CUX1: variants seen among roughly 807,000 people sequenced by gnomAD.
The protein encoded by CUX1 is cut like homeobox 1, also known as protein CASP.
In CUX1, 31 loss-of-function variants were observed where a neutral mutation model predicts 158.8. The observed-to-expected ratio is 0.20, with a 90% CI of 0.15 to 0.26. CUX1 has a LOEUF of 0.26. Ranked by LOEUF, CUX1 falls within the 10% of genes least tolerant of loss-of-function variation. CUX1 has a pLI of 1.00. For synonymous variants in CUX1, 879 were observed against 862.1 expected (o/e 1.02, Z -0.34); for missense variants, 1,589 against 2,014.6 (o/e 0.79, Z 4.04).
intron 3 of CUX1, among the ~76,000 whole-genome samples, chr7:102,035,342 G>A (rs1195962785): frequency 6.6e-6 from 1 of 152,012 alleles, no homozygotes; most frequent in Non-Finnish European, 1.5e-5. Context: ...TGATAAAATA[G>A]GCTTTGTCTT....
chr7:101,824,895 C>T (rs1242280902), intron 1 of CUX1, among the ~76,000 whole-genome samples: 1 of 152,222 alleles, frequency 6.6e-6, no homozygotes, highest in Admixed American at 6.5e-5. Context: ...CCCTCTGGAA[C>T]TGGGAACATT....
intron 11 of CUX1, among the ~76,000 whole-genome samples, chr7:102,180,314 CTTTT>C (rs782269252): frequency 1.6e-5 from 2 of 127,776 alleles, no homozygotes; most frequent in African/African-American, 3.0e-5. Context: ...GAGCCACTGC[CTTTT>C]TTTTTTTTTT....
At chr7:102,056,689 G>T (rs1824170132) in intron 3 of CUX1, among the ~76,000 whole-genome samples, 1 of 152,070 alleles carries the variant, frequency 6.6e-6, no homozygotes, top group Admixed American at 6.6e-5. Context: ...TTCTGCCTTA[G>T]CCTCCTGAGT....
intron 17 of CUX1, among the ~76,000 whole-genome samples, chr7:102,275,898 A>C (rs1791572379): frequency 1.3e-5 from 2 of 151,912 alleles, no homozygotes; most frequent in Admixed American, 1.3e-4. Flanking sequence ...AGTCCCAGCT[A>C]CTTGGGAGGC....
At chr7:102,107,025 C>T (rs188418295) in intron 6 of CUX1, among the ~76,000 whole-genome samples, 3 of 151,820 alleles carry the variant, frequency 2.0e-5, no homozygotes, top group Non-Finnish European at 2.9e-5. Flanking sequence ...CTCAGGAGTT[C>T]GAGACCAGCC....
At chr7:101,924,058 C>A (rs556332347) in intron 2 of CUX1, among the ~76,000 whole-genome samples, 3 of 152,196 alleles carry the variant, frequency 2.0e-5, no homozygotes, top group African/African-American at 4.8e-5. Flanking sequence ...CCGACCCTGG[C>A]AGGCACGGTG....
chr7:102,147,540 C>G (rs781674357), intron 8 of CUX1, among the ~76,000 whole-genome samples: 1 of 152,170 alleles, frequency 6.6e-6, no homozygotes, highest in Non-Finnish European at 1.5e-5. Flanking sequence ...CTCTGAAAAG[C>G]GAATCATTTT....
rs782127181 is a variant in CUX1 at position 102,201,463 on chromosome 7, T to C, written c.2166T>C (p.Ala722=). ...GCCGGGAGATGGAGGCCCAGCAGGC[T>C]GCCCTCGACCCTGCCTTAAAGCAGG... ...QARREMEAQQ[A]ALDPALKQAP... The change falls in exon 18 of 24, where the codon GCT becomes GCC. Residue 722 remains alanine (A), a synonymous_variant. Transcript: ENST00000292535. This position sits in a 1 kb window ranked among gnomAD's most constrained non-coding sequence, Gnocchi z 5.0. The C allele has an allele frequency of 1.3e-5, 21 of 1,613,986 alleles. No individual in the cohort carries two copies. Among genetic ancestry groups the C allele is most frequent in the Admixed American group, 8.3e-5 (5 of 60,000 alleles).
intron 2 of CUX1, among the ~76,000 whole-genome samples, chr7:101,917,055 GGAAGGGGTC>G (rs1804302912): frequency 6.6e-6 from 1 of 152,210 alleles, no homozygotes; most frequent in East Asian, 1.9e-4. Flanking sequence ...CCCTTGTATG[GGAAGGGGTC>G]GCAGCAGCCC....
At chr7:102,214,908 C>T (rs546851612) in intron 20 of CUX1, among the ~76,000 whole-genome samples, 1 of 152,216 alleles carries the variant, frequency 6.6e-6, no homozygotes, top group Non-Finnish European at 1.5e-5. Context: ...CCTTGACGGC[C>T]AAAATTAGTC....
intron 2 of CUX1, among the ~76,000 whole-genome samples, chr7:101,926,013 A>G (rs986439918): frequency 6.6e-6 from 1 of 152,206 alleles, no homozygotes; most frequent in South Asian, 2.1e-4. Flanking sequence ...TGGGGGTGTC[A>G]GAAACCCCCG....
Position 102,256,088 on chromosome 7 carries a change from T to C in CUX1, c.*7046T>C, listed in dbSNP as rs1300286731. 1.0e-6 allele frequency: 1 copy of C among 985,360 alleles called. No individual in the cohort carries two copies. Among genetic ancestry groups the C allele is most frequent in the Non-Finnish European group, 1.2e-6 (1 of 829,966 alleles). 61.0% of individuals were successfully genotyped at this position (985,360 alleles called of 1,614,324 possible). ...TCCCTCCAGTCTCCCAGCCTGCCTCTTGGTGACCACTGTGCTGGGCGTGCA... is the reference window on the plus strand; with the variant it reads ...TCCCTCCAGTCTCCCAGCCTGCCTCCTGGTGACCACTGTGCTGGGCGTGCA... On this transcript the variant is annotated 3_prime_UTR_variant, in exon 24 of 24. Coordinates refer to ENST00000292535, the MANE Select transcript of CUX1 (RefSeq NM_181552.4).
intron 4 of CUX1, among the ~76,000 whole-genome samples, chr7:102,084,285 T>C (rs1415117506): frequency 6.7e-6 from 1 of 148,462 alleles, no homozygotes; most frequent in Non-Finnish European, 1.5e-5. Flanking sequence ...TAATAAAATA[T>C]ATAAATATAT....
chr7:102,131,434 G>A (rs1170590366), intron 8 of CUX1, among the ~76,000 whole-genome samples: 8 of 151,202 alleles, frequency 5.3e-5, no homozygotes, highest in Admixed American at 2.0e-4. Flanking sequence ...CAGGAGGGTC[G>A]TTTGAGGCCA....
chr7:102,026,310 A>G (rs1820016703), intron 2 of CUX1, among the ~76,000 whole-genome samples: 1 of 152,208 alleles, frequency 6.6e-6, no homozygotes. Context: ...AACTGTGGCT[A>G]GGGTAACTAA....
At chr7:102,051,654 C>CAAAAAAAAAAAAAAAAAAA (rs1299911064) in intron 3 of CUX1, among the ~76,000 whole-genome samples, 3 of 89,746 alleles carry the variant, frequency 3.3e-5, no homozygotes, top group African/African-American at 1.2e-4. Context: ...GACTCTGTCT[C>CAAAAAAAAAAAAAAAAAAA]AAAAAAAAAA....
Position 102,215,229 on chromosome 7 carries a change from CTTTTTTTTTTTTTT to C in CUX1, c.3130+10075_3130+10088del, listed in dbSNP as rs547506149. On this transcript the variant is annotated intron_variant, in intron 20 of 23. Transcript: ENST00000292535. ...AAGAGCATGGCAATGGTTACTCCAA[CTTTTTTTTTTTTTT>C]TTTTTTTTTTTTTTTGCAAGCAAAG... Among the ~76,000 whole-genome samples the C allele has an allele frequency of 5.4e-5, 5 of 92,750 alleles. 1 individual carries two copies. Among genetic ancestry groups the C allele is most frequent in the South Asian group, 7.7e-4 (2 of 2,582 alleles). The allele number at this position is 92,750 out of a possible 152,430, so 60.8% of individuals were successfully genotyped here.
intron 4 of CUX1, among the ~76,000 whole-genome samples, chr7:102,088,492 G>T (rs1260331893): frequency 6.6e-6 from 1 of 151,972 alleles, no homozygotes; most frequent in Non-Finnish European, 1.5e-5. Context: ...GAATTAGCTG[G>T]GTGTGATGGT....
At chr7:101,980,010 T>C (rs1813218729) in intron 2 of CUX1, among the ~76,000 whole-genome samples, 1 of 152,122 alleles carries the variant, frequency 6.6e-6, no homozygotes, top group African/African-American at 2.4e-5. Context: ...GCTGTGAGTA[T>C]GAGTACAGGC....
Sources: allele counts gnomAD v4.1 joint callset (sites outside exome capture counted in the v4.1 genomes callset), GRCh38; gene constraint gnomAD v4.1.1; non-coding constraint Gnocchi (gnomAD v3.1); transcripts MANE v1.5; gene names NCBI Gene and HGNC (gene_info 2026-07-23, HGNC 2026-07-21).